RAD21L1: variants seen among roughly 807,000 people sequenced by gnomAD.
RAD21L1 encodes the protein double-strand-break repair protein rad21-like protein 1.
In RAD21L1, 47 loss-of-function variants were observed where a neutral mutation model predicts 69.0. The observed-to-expected ratio is 0.68, with a 90% confidence interval of 0.54 to 0.87. RAD21L1 has a LOEUF of 0.87. Ranked by LOEUF, RAD21L1 falls within the 40% of genes least tolerant of loss-of-function variation. The pLI is 0.00. For missense variants in RAD21L1, 583 were observed against 647.6 expected (o/e 0.90, Z 1.08); for synonymous variants, 177 against 205.8 (o/e 0.86, Z 1.20).
intron 1 of RAD21L1, 144 bp from the exon 2 acceptor site, chr20:1,228,278 T>A (rs959530318): frequency 1.1e-5 from 5 of 445,452 alleles, no homozygotes; most frequent in African/African-American, 1.0e-4. Context: ...TAAGTTTCTC[T>A]TATTTACAAG....
intron 3 of RAD21L1, among the ~76,000 whole-genome samples, 192 bp from the exon 4 acceptor site, chr20:1,231,332 CAT>C (rs10568043): frequency 0.015 from 2,283 of 152,242 alleles, 53 homozygotes; most frequent in African/African-American, 0.052. Context: ...CATTTTAAGG[CAT>C]CTAATCTGAT....
At position 1,255,817 on chromosome 20, in the gene RAD21L1, C is replaced by A. The variant is rs2087923242; in HGVS notation, c.*1360C>A. Among the ~76,000 whole-genome samples, 1 of 152,186 alleles carries A rather than the reference C, an allele frequency of 6.6e-6. No homozygotes were observed. Among genetic ancestry groups the A allele is most frequent in the Non-Finnish European group, 1.5e-5 (1 of 68,044 alleles). Reference sequence around the variant, plus strand: ...TTTGAAAATGTCACACAGATGGAATCATATAGCATGTAAGCTTTCGATACG... The same window carrying A: ...TTTGAAAATGTCACACAGATGGAATAATATAGCATGTAAGCTTTCGATACG... On this transcript the variant is annotated 3_prime_UTR_variant, in exon 14 of 14. Coordinates refer to ENST00000683101, the MANE Select transcript of RAD21L1 (RefSeq NM_001384355.1).
chr20:1,242,259 G>T (rs1029306047), intron 8 of RAD21L1, among the ~76,000 whole-genome samples: 1 of 152,160 alleles, frequency 6.6e-6, no homozygotes, highest in African/African-American at 2.4e-5. Context: ...TGGAGATAGG[G>T]TCTTGCTCTG....
intron 8 of RAD21L1, among the ~76,000 whole-genome samples, chr20:1,241,561 A>G (rs2087607783): frequency 6.6e-6 from 1 of 152,130 alleles, no homozygotes; most frequent in African/African-American, 2.4e-5. Flanking sequence ...CTGGCAGGAA[A>G]TTCAATCTGT....
At chr20:1,242,594 C>A in intron 8 of RAD21L1, 25 bp from the exon 9 acceptor site, 1 of 1,482,898 alleles carries the variant, frequency 6.7e-7, no homozygotes, top group Non-Finnish European at 9.2e-7. Flanking sequence ...TAACCAATCA[C>A]ATTTGTGCTA....
chr20:1,230,976 C>T (rs2087378175), intron 3 of RAD21L1: 1 of 153,420 alleles, frequency 6.5e-6, no homozygotes, highest in South Asian at 2.1e-4. Context: ...TGTAATTGTG[C>T]TATAAAGGAA....
intron 1 of RAD21L1, 163 bp downstream of exon 1, chr20:1,226,303 T>G (rs1344415573): frequency 6.6e-6 from 1 of 151,630 alleles, no homozygotes; most frequent in Non-Finnish European, 1.5e-5. Flanking sequence ...GGAAGAAAGG[T>G]CGTCGCCCGC....
At chr20:1,236,685 A>G (rs2087501359) in intron 5 of RAD21L1, among the ~76,000 whole-genome samples, 1 of 152,218 alleles carries the variant, frequency 6.6e-6, no homozygotes, top group Admixed American at 6.5e-5. Context: ...TAACAACATC[A>G]TAGGGTTATT....
intron 2 of RAD21L1, 23 bp from the exon 3 acceptor site, chr20:1,229,857 A>G: frequency 1.3e-6 from 2 of 1,524,754 alleles, no homozygotes; most frequent in Non-Finnish European, 1.8e-6. Flanking sequence ...TTACTCTTCT[A>G]ATACTTCAAA....
chr20:1,233,197 G>A (rs6074324), intron 4 of RAD21L1, among the ~76,000 whole-genome samples: 6,721 of 152,218 alleles, frequency 0.044, 186 homozygotes, highest in Middle Eastern at 0.065. Context: ...TTGACTCTCC[G>A]GGTCTGAAAT....
intron 11 of RAD21L1, among the ~76,000 whole-genome samples, chr20:1,244,627 T>C (rs1452267114): frequency 6.6e-6 from 1 of 152,200 alleles, no homozygotes; most frequent in Admixed American, 6.5e-5. Flanking sequence ...TAAAGATCTA[T>C]GACCAAAACA....
chr20:1,244,129 C>T lies in RAD21L1; in HGVS notation c.1267C>T (p.His423Tyr), dbSNP rs1415306055. The T allele has an allele frequency of 6.5e-7, 1 of 1,548,372 alleles. No homozygotes were observed. Among genetic ancestry groups the T allele is most frequent in the Non-Finnish European group, 8.7e-7 (1 of 1,144,266 alleles). ...TWKDVIGGSQ[H>Y]SSHEDTNKNI... ...GAAGGATGTGATTGGTGGATCTCAG[C>T]ATAGCTCTCATGAGGATACCAATAA... Residue 423 changes from histidine (H) to tyrosine (Y), a missense_variant, in exon 11 of 14, where the codon CAT becomes TAT. Coordinates refer to ENST00000683101, the MANE Select transcript of RAD21L1 (RefSeq NM_001384355.1).
intron 1 of RAD21L1, among the ~76,000 whole-genome samples, chr20:1,226,968 A>G (rs1248493560): frequency 6.6e-6 from 1 of 152,128 alleles, no homozygotes; most frequent in African/African-American, 2.4e-5. Flanking sequence ...GGAGTGCAGT[A>G]GGGCGATCGC....
Position 1,238,097 on chromosome 20 carries a change from C to T in RAD21L1, c.529C>T (p.Leu177=), listed in dbSNP as rs2087536377. 6.5e-7 allele frequency: 1 copy of T among 1,541,638 alleles called. No homozygotes were observed. Among genetic ancestry groups the T allele is most frequent in the East Asian group, 2.5e-5 (1 of 40,792 alleles). The change falls in exon 6 of 14, where the codon CTG becomes TTG. Residue 177 remains leucine, a synonymous_variant. Transcript: ENST00000683101. ...TAGCTTCTTTGATGACAACATATTA[C>T]TGAATTCCAGTGGTCCTTTAATTGA... ...RHSFFDDNIL[L]NSSGPLIEHS...
At chr20:1,235,996 G>A (rs904257913) in intron 5 of RAD21L1, among the ~76,000 whole-genome samples, 3 of 152,094 alleles carry the variant, frequency 2.0e-5, no homozygotes, top group Non-Finnish European at 4.4e-5. Flanking sequence ...TTGAACTCCT[G>A]ACCTCAGGTG....
chr20:1,248,917 A>G (rs2087771493), intron 13 of RAD21L1, among the ~76,000 whole-genome samples: 1 of 152,124 alleles, frequency 6.6e-6, no homozygotes, highest in African/African-American at 2.4e-5. Flanking sequence ...TCTTACCCAC[A>G]CTAATACCCT....
chr20:1,231,340 C>T (rs949098267), intron 3 of RAD21L1, among the ~76,000 whole-genome samples, 186 bp from the exon 4 acceptor site: 1 of 152,136 alleles, frequency 6.6e-6, no homozygotes, highest in African/African-American at 2.4e-5. Context: ...GGCATCTAAT[C>T]TGATTAGTTT....
Position 1,240,410 on chromosome 20 carries a change from A to G in RAD21L1, c.832A>G (p.Thr278Ala). ...ILLSTEEEGFTLDPIDISDIA... is the reference protein window; with the variant it reads ...ILLSTEEEGFALDPIDISDIA... ...ATTATCAACTGAAGAGGAAGGATTTACCCTTGATCCAATTGATATTTCAGG... is the reference window on the plus strand; with the variant it reads ...ATTATCAACTGAAGAGGAAGGATTTGCCCTTGATCCAATTGATATTTCAGG... The change falls in exon 8 of 14, where the codon ACC becomes GCC. Residue 278 changes from threonine (T) to alanine (A), a missense_variant. Thr to Ala is a moderately conservative substitution (Grantham distance 58, BLOSUM62 0). Coordinates refer to ENST00000683101, the MANE Select transcript of RAD21L1 (RefSeq NM_001384355.1). The G allele has an allele frequency of 6.5e-7, 1 of 1,545,062 alleles. No homozygotes were observed. Among genetic ancestry groups the G allele is most frequent in the Non-Finnish European group, 8.7e-7 (1 of 1,144,924 alleles).
At chr20:1,237,150 C>T (rs749703077) in intron 5 of RAD21L1, among the ~76,000 whole-genome samples, 4 of 152,176 alleles carry the variant, frequency 2.6e-5, no homozygotes, top group Non-Finnish European at 4.4e-5. Flanking sequence ...CTGTCTAACA[C>T]TAACATGGGT....
Sources: gnomAD v4.1 joint callset for allele counts (sites outside exome capture counted in the v4.1 genomes callset) on GRCh38, gnomAD v4.1.1 for gene constraint, MANE v1.5 for transcripts, NCBI Gene and HGNC (gene_info 2026-07-23, HGNC 2026-07-21) for gene names.